Variants in ARHGEF3 observed in about 807,000 individuals in gnomAD.
The protein encoded by ARHGEF3 is 59.8 kDA protein.
A neutral mutation model predicts 63.2 loss-of-function variants in ARHGEF3; 28 were observed. The ratio of observed to expected loss-of-function variants is 0.44; its 90% confidence interval spans 0.33 to 0.61. The LOEUF is 0.61. Ranked by LOEUF, ARHGEF3 falls within the 20% of genes least tolerant of loss-of-function variation. The probability of loss-of-function intolerance (pLI) is 0.03; values close to 1 mark genes in which losing one functional copy is unlikely to be tolerated. For missense variants in ARHGEF3, 533 were observed against 659.3 expected (o/e 0.81, Z 2.10); for synonymous variants, 266 against 254.2 (o/e 1.05, Z -0.44).
chr3:57,036,930 C>G lies in ARHGEF3; in HGVS notation c.-27-1754G>C, dbSNP rs1286355457. Among the ~76,000 whole-genome samples the G allele has an allele frequency of 2.6e-5, 4 of 152,200 alleles. No homozygotes were observed. In the South Asian group the frequency reaches 6.2e-4, roughly 24 times the overall value. ...TTAAAGCACCATTTAGATAAATTCT[C>G]CAATCTAGGTGAGCAGGACCTACAG... On this transcript the variant is annotated intron_variant, in intron 1 of 12. Transcript: ENST00000338458.
At chr3:56,899,936 G>A (rs2041449281) in intron 3 of ARHGEF3, among the ~76,000 whole-genome samples, 2 of 152,218 alleles carry the variant, frequency 1.3e-5, no homozygotes, top group Non-Finnish European at 2.9e-5. Flanking sequence ...TTTAGCCACA[G>A]GAAATGGGAG....
intron 4 of ARHGEF3, among the ~76,000 whole-genome samples, chr3:56,816,035 G>T (rs1326329835): frequency 6.6e-6 from 1 of 152,110 alleles, no homozygotes; most frequent in Non-Finnish European, 1.5e-5. Context: ...CCAACATAGT[G>T]AGATCCTGTC....
chr3:56,982,254 TAA>T (rs76434123), intron 2 of ARHGEF3, among the ~76,000 whole-genome samples: 18 of 141,614 alleles, frequency 1.3e-4, no homozygotes, highest in Non-Finnish European at 1.2e-4. Flanking sequence ...GAGCTCTCTT[TAA>T]AAAAAAAAAA....
intron 3 of ARHGEF3, among the ~76,000 whole-genome samples, chr3:56,957,370 A>T (rs1194165345): frequency 6.6e-6 from 1 of 152,264 alleles, no homozygotes; most frequent in Non-Finnish European, 1.5e-5. Flanking sequence ...AAGACTAAAG[A>T]CCTGAACTTG....
intron 3 of ARHGEF3, among the ~76,000 whole-genome samples, chr3:56,895,308 GC>G (rs1324754380): frequency 6.6e-6 from 1 of 152,154 alleles, no homozygotes; most frequent in Non-Finnish European, 1.5e-5. Flanking sequence ...AAGACTGGTG[GC>G]CTCCCCTGTG....
At chr3:56,996,870 T>TTAC (rs1702009452) in intron 2 of ARHGEF3, among the ~76,000 whole-genome samples, 3 of 104,834 alleles carry the variant, frequency 2.9e-5, no homozygotes, top group African/African-American at 9.4e-5. Flanking sequence ...TCTTAAAACA[T>TTAC]TATTATTATT....
In ARHGEF3 at chr3:56,979,535, C is replaced by A. The variant is rs149964477; in HGVS notation, c.63-20646G>T. Among the ~76,000 whole-genome samples the A allele has an allele frequency of 4.6e-3, 701 of 152,358 alleles. 4 individuals carry two copies. The highest frequency in any genetic ancestry group is 0.02 in the Middle Eastern group (6 of 294). On this transcript the variant is annotated intron_variant, in intron 2 of 12. Coordinates refer to the ARHGEF3 transcript ENST00000338458. ...CTGCCACAGGCAGCCAGAGACAAGGCACAGGCCCAGGAATAAAGCCGGGGT... is the reference window on the plus strand; with the variant it reads ...CTGCCACAGGCAGCCAGAGACAAGGAACAGGCCCAGGAATAAAGCCGGGGT...
chr3:56,995,658 A>AGAGAGAGAGG (rs1553800598), intron 2 of ARHGEF3, among the ~76,000 whole-genome samples: 2 of 130,742 alleles, frequency 1.5e-5, no homozygotes, highest in Non-Finnish European at 3.4e-5. Flanking sequence ...AGAGAGAGAG[A>AGAGAGAGAGG]GAGAGAGAGA....
At position 56,972,814 on chromosome 3, in the gene ARHGEF3, G is replaced by C. The variant is rs140890139; in HGVS notation, c.63-13925C>G. On this transcript the variant is annotated intron_variant, in intron 2 of 12. Coordinates refer to the ARHGEF3 transcript ENST00000338458. ...CAAGGGAGAGGGGAGGCCACTGGAG[G>C]ATTCCGAGCAGAAAACAAACCTGAC... Among the ~76,000 whole-genome samples, 8 of 152,106 alleles carry C rather than the reference G, an allele frequency of 5.3e-5. No homozygotes were observed. In the East Asian group the frequency reaches 1.5e-3, roughly 29 times the overall value.
rs548653766 is a variant in ARHGEF3 at position 56,769,192 on chromosome 3, T to C, written c.204+4517A>G. On this transcript the variant is annotated intron_variant, in intron 2 of 9. Coordinates refer to ENST00000296315, the MANE Select transcript of ARHGEF3 (RefSeq NM_019555.3). Reference sequence around the variant, plus strand: ...ACAACATCATGAACACAACATTCCATAGCATGTGCTGAACTCAGCTCAAAT... The same window carrying C: ...ACAACATCATGAACACAACATTCCACAGCATGTGCTGAACTCAGCTCAAAT... 5.3e-5 allele frequency among the ~76,000 whole-genome samples: 8 copies of C among 152,328 alleles called. No individual in the cohort carries two copies. In the South Asian group the frequency reaches 8.3e-4, roughly 16 times the overall value.
chr3:56,778,833 G>A (rs1182224885), intron 1 of ARHGEF3, among the ~76,000 whole-genome samples: 3 of 152,102 alleles, frequency 2.0e-5, no homozygotes, highest in Non-Finnish European at 2.9e-5. Flanking sequence ...ACTATGCCCC[G>A]CTTACAAAAT....
chr3:57,017,005 G>GTCTCTCTCTCTCTCTCTCTCTCTC, intron 2 of ARHGEF3, among the ~76,000 whole-genome samples: 1 of 129,132 alleles, frequency 7.7e-6, no homozygotes, highest in African/African-American at 3.3e-5. Context: ...CTTTCTCTCT[G>GTCTCTCTCTCTCTCTCTCTCTCTC]TCTCTCTCTC....
intron 1 of ARHGEF3, among the ~76,000 whole-genome samples, chr3:57,041,272 T>C (rs1704176186): frequency 6.6e-6 from 1 of 152,166 alleles, no homozygotes; most frequent in African/African-American, 2.4e-5. Context: ...CCTCGTGCAT[T>C]ATCTCACTTC....
rs201057893 is a variant in ARHGEF3 at position 56,996,894 on chromosome 3, T to TA, written c.63-38006_63-38005insT. On this transcript the variant is annotated intron_variant, in intron 2 of 12. Transcript: ENST00000338458. ...ATTATTATTATTATTATTATTATTT[T>TA]TTTTTTTTTTTGCAATTTGCTTATT... is the stretch of plus-strand genomic sequence containing the variant. Among the ~76,000 whole-genome samples, 710 of 147,286 alleles carry TA rather than the reference T, an allele frequency of 4.8e-3. 1 individual carries two copies. Among genetic ancestry groups the TA allele is most frequent in the African/African-American group, 9.2e-3 (376 of 40,662 alleles).
At chr3:56,839,341 A>AT (rs955810414) in intron 4 of ARHGEF3, among the ~76,000 whole-genome samples, 2 of 151,910 alleles carry the variant, frequency 1.3e-5, no homozygotes, top group South Asian at 2.1e-4. Flanking sequence ...GTTTTTTTGA[A>AT]TTTTTTTATT....
rs143976860 is a variant in ARHGEF3, at chr3:57,072,832, G to A, written c.-28+6394C>T. ...GAGGCCAAGGCGGGTGGATCACGAG[G>A]TCAGGAGTTCAAGACCAGCCTGGCC... On this transcript the variant is annotated intron_variant, in intron 1 of 12. Transcript: ENST00000338458. Among the ~76,000 whole-genome samples, 955 of 151,908 alleles carry A rather than the reference G, an allele frequency of 6.3e-3. 9 individuals are homozygous for A. Among genetic ancestry groups the A allele is most frequent in the African/African-American group, 0.021 (886 of 41,424 alleles).
At chr3:56,828,925 TTTA>T (rs924943604) in intron 4 of ARHGEF3, among the ~76,000 whole-genome samples, 3 of 152,160 alleles carry the variant, frequency 2.0e-5, no homozygotes, top group African/African-American at 7.2e-5. Flanking sequence ...TGTATTCATT[TTTA>T]TTATTATTAT....
chr3:56,969,893 C>CACCG (rs1700833760), intron 2 of ARHGEF3, among the ~76,000 whole-genome samples: 1 of 151,980 alleles, frequency 6.6e-6, no homozygotes, highest in Non-Finnish European at 1.5e-5. Flanking sequence ...ATACATGCCA[C>CACCG]ACCATGGAAG....
At chr3:56,963,715 C>T (rs546302350) in intron 2 of ARHGEF3, among the ~76,000 whole-genome samples, 1 of 152,140 alleles carries the variant, frequency 6.6e-6, no homozygotes, top group Non-Finnish European at 1.5e-5. Context: ...AAATCTGTGC[C>T]GAATGTGGTA....
Sources: gnomAD v4.1 joint callset for allele counts (sites outside exome capture counted in the v4.1 genomes callset) on GRCh38, gnomAD v4.1.1 for gene constraint, MANE v1.5 for transcripts, NCBI Gene and HGNC (gene_info 2026-07-23, HGNC 2026-07-21) for gene names.